MBNL2: variants seen among roughly 807,000 people sequenced by gnomAD.
MBNL2 encodes muscleblind like splicing regulator 2, also known as muscleblind-like protein 2.
Under a neutral mutation model 41.9 loss-of-function variants are expected in MBNL2, and 17 were observed. The observed-to-expected ratio is 0.41, with a 90% CI of 0.28 to 0.61. The LOEUF is 0.61. Among genes scored for constraint, MBNL2 ranks in the 20% least tolerant of loss-of-function variants. The pLI, the probability that MBNL2 is intolerant of heterozygous loss-of-function variation, is 0.35. For synonymous variants in MBNL2, 195 were observed against 182.9 expected (o/e 1.07, Z -0.53); for missense variants, 336 against 505.6 (o/e 0.66, Z 3.22).
chr13:97,290,884 G>A lies in MBNL2; in HGVS notation c.174+14475G>A, dbSNP rs949693845. Among the ~76,000 whole-genome samples, 6 of 152,324 alleles carry A rather than the reference G, an allele frequency of 3.9e-5. No individual in the cohort carries two copies. The East Asian group carries it at 9.6e-4, about 24-fold the overall frequency. ...GCTTTCTGAGCTGAGGCCTGAAGGA[G>A]AAGAGAGGAAGGCTTCCCAGATGCA... On this transcript the variant is annotated intron_variant, in intron 2 of 8. Coordinates refer to ENST00000679496, the MANE Select transcript of MBNL2 (RefSeq NM_001382683.1).
intron 1 of MBNL2, among the ~76,000 whole-genome samples, chr13:97,250,502 A>G (rs979354816): frequency 1.3e-5 from 2 of 150,848 alleles, no homozygotes; most frequent in Non-Finnish European, 2.9e-5. Context: ...AAGTTCTTGA[A>G]CTTCATTAAA....
At chr13:97,364,778 A>AAAATACCTAT (rs1262404391) in intron 7 of MBNL2, among the ~76,000 whole-genome samples, 5 of 152,314 alleles carry the variant, frequency 3.3e-5, no homozygotes, top group African/African-American at 1.2e-4. Flanking sequence ...TTTCATCTGT[A>AAAATACCTAT]AAATACCTAC....
At chr13:97,369,644 T>C (rs960296140) in intron 8 of MBNL2, among the ~76,000 whole-genome samples, 2 of 152,176 alleles carry the variant, frequency 1.3e-5, no homozygotes, top group Non-Finnish European at 2.9e-5. Flanking sequence ...AGAGGATAGA[T>C]GAAAACATCC....
intron 1 of MBNL2, among the ~76,000 whole-genome samples, chr13:97,259,877 TATTC>T (rs1487600029): frequency 8.5e-5 from 13 of 152,260 alleles, no homozygotes; most frequent in African/African-American, 2.6e-4. Flanking sequence ...CTCTGTGGCG[TATTC>T]ATTCATTTAT....
chr13:97,248,156 G>A (rs532550739), intron 1 of MBNL2, among the ~76,000 whole-genome samples: 1 of 152,100 alleles, frequency 6.6e-6, no homozygotes, highest in Non-Finnish European at 1.5e-5. Flanking sequence ...ATTTTAAGAT[G>A]GAGTCTTTCT....
chr13:97,181,139 T>C, the MBNL2 span, among the ~76,000 whole-genome samples: 1 of 151,946 alleles, frequency 6.6e-6, no homozygotes, highest in East Asian at 1.9e-4. Flanking sequence ...CACATCCCCT[T>C]CTGTGACCCT....
intron 1 of MBNL2, among the ~76,000 whole-genome samples, chr13:97,241,038 A>G (rs2044165430): frequency 6.6e-6 from 1 of 152,178 alleles, no homozygotes; most frequent in Non-Finnish European, 1.5e-5. Context: ...GGTCCAGGAA[A>G]CACTCCCATT....
intron 7 of MBNL2, chr13:97,362,880 G>C (rs1385010566): frequency 6.6e-6 from 1 of 152,514 alleles, no homozygotes; most frequent in Non-Finnish European, 1.5e-5. Context: ...AAGCAGGATT[G>C]CTTTGGCTGA....
chr13:97,213,930 C>T, the MBNL2 span, among the ~76,000 whole-genome samples: 2 of 152,192 alleles, frequency 1.3e-5, no homozygotes, highest in South Asian at 2.1e-4. Context: ...CTATTCCCCA[C>T]GTCCATTCCA....
At chr13:97,189,726 G>T in the MBNL2 span, among the ~76,000 whole-genome samples, 1 of 152,106 alleles carries the variant, frequency 6.6e-6, no homozygotes, top group Non-Finnish European at 1.5e-5. Flanking sequence ...TACATGTTTT[G>T]GTCTTCTTGG....
chr13:97,363,418 C>CTGTGTGTG (rs55745808), intron 7 of MBNL2, among the ~76,000 whole-genome samples: 4,674 of 136,626 alleles, frequency 0.034, 145 homozygotes, highest in African/African-American at 0.074. Context: ...GAAAGAAAAA[C>CTGTGTGTG]TGTGTGTGTG....
chr13:97,181,633 T>G, the MBNL2 span, among the ~76,000 whole-genome samples: 1 of 152,160 alleles, frequency 6.6e-6, no homozygotes, highest in Non-Finnish European at 1.5e-5. Flanking sequence ...TAGAAATTGG[T>G]TCAGCTTTTT....
At chr13:97,254,954 A>G (rs2047248792) in intron 1 of MBNL2, among the ~76,000 whole-genome samples, 1 of 152,214 alleles carries the variant, frequency 6.6e-6, no homozygotes, top group African/African-American at 2.4e-5. Context: ...CATTTCAGGC[A>G]TTTAGATGTG....
intron 2 of MBNL2, among the ~76,000 whole-genome samples, chr13:97,305,754 G>T (rs1429460448): frequency 1.4e-5 from 2 of 147,034 alleles, no homozygotes; most frequent in African/African-American, 2.4e-5. Flanking sequence ...GGGCAACAGA[G>T]GGAGACCCCG....
At chr13:97,172,926 A>G in the MBNL2 span, 1 of 152,184 alleles carries the variant, frequency 6.6e-6, no homozygotes, top group Admixed American at 6.5e-5. Flanking sequence ...ATATAGATAT[A>G]TATGTAATTA....
intron 3 of MBNL2, among the ~76,000 whole-genome samples, chr13:97,337,489 G>C (rs9556703): frequency 0.05 from 7,552 of 152,104 alleles, 367 homozygotes; most frequent in East Asian, 0.18. Context: ...TCCAAGAGCT[G>C]GATATTTCTT....
the MBNL2 span, among the ~76,000 whole-genome samples, chr13:97,187,593 TAAA>T: frequency 0.031 from 1,591 of 51,254 alleles, 48 homozygotes; most frequent in African/African-American, 0.11. Flanking sequence ...CTATGCAGCT[TAAA>T]AAAAAAAAAA....
At chr13:97,370,869 C>T (rs1440068480) in intron 8 of MBNL2, among the ~76,000 whole-genome samples, 1 of 152,090 alleles carries the variant, frequency 6.6e-6, no homozygotes, top group East Asian at 1.9e-4. Flanking sequence ...CTAATCATCT[C>T]ACAAATAGCT....
chr13:97,194,911 AACTCATCAATAATCT>A, the MBNL2 span, among the ~76,000 whole-genome samples: 1 of 152,214 alleles, frequency 6.6e-6, no homozygotes, highest in African/African-American at 2.4e-5. Flanking sequence ...TTTCCCAGAA[AACTCATCAATAATCT>A]ACCCCTTGTT....
Sources: gnomAD v4.1 joint callset for allele counts (sites outside exome capture counted in the v4.1 genomes callset) on GRCh38, gnomAD v4.1.1 for gene constraint, MANE v1.5 for transcripts, NCBI Gene and HGNC (gene_info 2026-07-23, HGNC 2026-07-21) for gene names.